POLE3: variants seen among roughly 807,000 people sequenced by gnomAD.
POLE3 encodes the protein DNA polymerase epsilon subunit 3.
POLE3 carries 10 observed loss-of-function variants against 16.1 expected under a neutral mutation model. The ratio of observed to expected loss-of-function variants is 0.62; its 90% confidence interval spans 0.38 to 1.05. The LOEUF (loss-of-function observed/expected upper bound fraction) is 1.05, where lower values mean the gene tolerates loss of function less well. Ranked by LOEUF, POLE3 falls within the 50% of genes least tolerant of loss-of-function variation. The pLI is 0.01. For missense variants in POLE3, 169 were observed against 185.0 expected (o/e 0.91, Z 0.50); for synonymous variants, 83 against 71.0 (o/e 1.17, Z -0.85).
At chr9:113,410,014 C>G in intron 3 of POLE3, 41 bp downstream of exon 3, 1 of 1,500,854 alleles carries the variant, frequency 6.7e-7, no homozygotes, top group Non-Finnish European at 9.0e-7. Context: ...AACTCCCAGC[C>G]AGGTATCCCC....
chr9:113,409,735 G>A lies in POLE3; in HGVS notation c.153-7C>T, dbSNP rs1237283208. The A allele has an allele frequency of 3.2e-6, 5 of 1,551,978 alleles. No homozygotes were observed. Among genetic ancestry groups the A allele is most frequent in the African/African-American group, 2.7e-5 (2 of 73,698 alleles). ...CATTGCAAAGTTGTTAGCACTGAGA[G>A]AAGAGAAAGGCTGTCAGACTCCCTC... On this transcript the variant is annotated splice_polypyrimidine_tract_variant and splice_region_variant and intron_variant, in intron 3 of 4. Coordinates refer to ENST00000374171, the MANE Select transcript of POLE3 (RefSeq NM_017443.5).
At chr9:113,410,495 A>C in intron 1 of POLE3, 87 bp from the exon 2 acceptor site, 3 of 606,786 alleles carry the variant, frequency 4.9e-6, no homozygotes, top group Non-Finnish European at 8.8e-6. Context: ...GCGCATCCGG[A>C]TTTTGAAGCC....
At position 113,410,053 on chromosome 9, in the gene POLE3, A is replaced by G. The variant is rs1400479595; in HGVS notation, c.152+2T>C. 1 of 1,558,682 alleles carries G rather than the reference A, an allele frequency of 6.4e-7. No individual in the cohort carries two copies. Among genetic ancestry groups the G allele is most frequent in the Admixed American group, 1.9e-5 (1 of 51,628 alleles). ...CCTCCCTTATGCCTCTGTCCCGCTCACCAGGATGTGGCGTACAGCACGAAG... is the reference window on the plus strand; with the variant it reads ...CCTCCCTTATGCCTCTGTCCCGCTCGCCAGGATGTGGCGTACAGCACGAAG... On this transcript the variant is annotated splice_donor_variant, in intron 3 of 4. Transcript: ENST00000374171. LOFTEE classifies it high-confidence loss of function.
At chr9:113,410,490 T>G (rs1312957809) in intron 1 of POLE3, 82 bp from the exon 2 acceptor site, 3 of 608,682 alleles carry the variant, frequency 4.9e-6, no homozygotes, top group Non-Finnish European at 8.8e-6. Flanking sequence ...TACCGGCGCA[T>G]CCGGATTTTG....
In POLE3 at chr9:113,409,706, C is replaced by T. The variant is rs770150389; in HGVS notation, c.175G>A (p.Gly59Arg). 13 of 1,612,238 alleles carry T rather than the reference C, an allele frequency of 8.1e-6. No individual in the cohort carries two copies. The highest frequency in any genetic ancestry group is 2.2e-5 in the East Asian group (1 of 44,898). ...TSCANNFAMK[G>R]KRKTLNASDV... ...CTGGCATTCAGCGTCTTCCGCTTTCCTTTCATTGCAAAGTTGTTAGCACTG... is the reference window on the plus strand; with the variant it reads ...CTGGCATTCAGCGTCTTCCGCTTTCTTTTCATTGCAAAGTTGTTAGCACTG... The change falls in exon 4 of 5, where the codon GGA (glycine) becomes AGA (arginine). Residue 59 changes from glycine (G) to arginine (R), a missense_variant. Coordinates refer to ENST00000374171, the MANE Select transcript of POLE3 (RefSeq NM_017443.5).
At chr9:113,409,525 C>G in intron 4 of POLE3, 85 bp downstream of exon 4, 1 of 808,192 alleles carries the variant, frequency 1.2e-6, no homozygotes, top group Non-Finnish European at 2.1e-6. Context: ...TAAAGGGACC[C>G]GCGCTGAGAA....
At position 113,410,137 on chromosome 9, in the gene POLE3, G is replaced by A. The variant is rs1288030834; in HGVS notation, c.70C>T (p.Pro24Ser). ...VITRIIKEAL[P>S]DGVNISKEAR... ...TCCTTGGAGATGTTGACACCGTCCG[G>A]GAGCTGCGAGGAGACCGGGGGTGAG... is the stretch of plus-strand genomic sequence containing the variant. Residue 24 changes from proline to serine, a missense_variant, in exon 3 of 5, where the codon CCG becomes TCG. Physicochemically the swap from Pro to Ser is moderately conservative, Grantham distance 74. Coordinates refer to ENST00000374171, the MANE Select transcript of POLE3 (RefSeq NM_017443.5). 4 of 1,599,586 alleles carry A rather than the reference G, an allele frequency of 2.5e-6. No homozygotes were observed. The African/African-American group carries it at 4.0e-5, about 16-fold the overall frequency.
chr9:113,410,175 T>C, intron 2 of POLE3, 35 bp from the exon 3 acceptor site: 2 of 1,608,456 alleles, frequency 1.2e-6, no homozygotes, highest in South Asian at 1.1e-5. Flanking sequence ...AAGCTGCCGT[T>C]CCAGCACCTG....
At position 113,410,602 on chromosome 9, in the gene POLE3, C is replaced by T. The variant is rs985056363; in HGVS notation, c.-116+15G>A. ...TCTCTGCTTCTCGCCATCGCCGCGT[C>T]GGGAACCTTCTCACCAACTTATTTG... On this transcript the variant is annotated intron_variant, in intron 1 of 4. Coordinates refer to ENST00000374171, the MANE Select transcript of POLE3 (RefSeq NM_017443.5). 1.4e-4 allele frequency: 67 copies of T among 491,434 alleles called. 1 individual carries two copies. In the South Asian group the frequency reaches 1.7e-3, roughly 13 times the overall value. 30.4% of individuals were successfully genotyped at this position (491,434 alleles called of 1,614,324 possible). A position where few individuals can be genotyped will look rare whatever the true frequency, so the allele number is the denominator to read the frequency against.
chr9:113,409,873 CAAA>C (rs1024278075), intron 3 of POLE3, 145 bp from the exon 4 acceptor site: 1 of 762,188 alleles, frequency 1.3e-6, no homozygotes, highest in African/African-American at 1.7e-5. Context: ...CTTCTCTGCA[CAAA>C]AAAGCTAAAG....
chr9:113,410,272 G>T lies in POLE3; in HGVS notation c.22C>A (p.Leu8Ile), dbSNP rs111911243. 1 of 1,613,690 alleles carries T rather than the reference G, an allele frequency of 6.2e-7. No individual in the cohort carries two copies. Among genetic ancestry groups the T allele is most frequent in the Non-Finnish European group, 8.5e-7 (1 of 1,179,960 alleles). Residue 8 changes from leucine (L) to isoleucine (I), a missense_variant, in exon 2 of 5, where the codon CTA (leucine) becomes ATA (isoleucine). Transcript: ENST00000374171. ...GTGATCACGGCATTGGGCAGGTTTAGGTCCTCGGGCCTCTCCGCCATTGCC... is the reference window on the plus strand; with the variant it reads ...GTGATCACGGCATTGGGCAGGTTTATGTCCTCGGGCCTCTCCGCCATTGCC... MAERPED[L>I]NLPNAVITRI...
At position 113,410,424 on chromosome 9, in the gene POLE3, G is replaced by C. The variant is rs535383231; in HGVS notation, c.-115-16C>G. ...CCCACGTGGCCTACAGTGTCCCACAGTGCTCTGAGCGCCATAGCCTCCCTC... is the reference window on the plus strand; with the variant it reads ...CCCACGTGGCCTACAGTGTCCCACACTGCTCTGAGCGCCATAGCCTCCCTC... On this transcript the variant is annotated splice_polypyrimidine_tract_variant and intron_variant, in intron 1 of 4. Coordinates refer to ENST00000374171, the MANE Select transcript of POLE3 (RefSeq NM_017443.5). 1 of 787,896 alleles carries C rather than the reference G, an allele frequency of 1.3e-6. No individual in the cohort carries two copies. The highest frequency in any genetic ancestry group is 1.7e-5 in the African/African-American group (1 of 58,828). The allele number at this position is 787,896 out of a possible 1,614,324, so 48.8% of individuals were successfully genotyped here.
intron 3 of POLE3, 158 bp from the exon 4 acceptor site, chr9:113,409,886 G>A (rs1402228169): frequency 2.2e-5 from 17 of 756,604 alleles, no homozygotes; most frequent in Non-Finnish European, 3.3e-5. Context: ...AAAAGCTAAA[G>A]CAAAGTGATT....
chr9:113,409,664 T>C lies in POLE3; in HGVS notation c.217A>G (p.Met73Val). 6.2e-7 allele frequency: 1 copy of C among 1,613,934 alleles called. No individual in the cohort carries two copies. Among genetic ancestry groups the C allele is most frequent in the Non-Finnish European group, 8.5e-7 (1 of 1,179,816 alleles). Residue 73 changes from methionine (M) to valine (V), a missense_variant, in exon 4 of 5, where the codon ATG becomes GTG. Physicochemically the swap from Met to Val is conservative, Grantham distance 21. Transcript: ENST00000374171. ...TLNASDVLSA[M>V]EEMEFQRFVT... is the part of the protein sequence containing the mutation. The stretch of plus-strand genomic sequence containing the variant: ...AACCGCTGGAACTCCATCTCTTCCA[T>C]GGCTGAGAGCACATCACTGGCATTC...
In POLE3 at chr9:113,410,066, G is replaced by C. The variant is rs148850960; in HGVS notation, c.141C>G (p.Tyr47Ter). The change falls in exon 3 of 5, where the codon TAC becomes TAG. Residue 47 changes from tyrosine to a stop codon, truncating the protein, a stop_gained. Coordinates refer to ENST00000374171, the MANE Select transcript of POLE3 (RefSeq NM_017443.5). LOFTEE classifies it high-confidence loss of function. ...ISRAASVFVL[Y>*]ATSCANNFAM... The stretch of plus-strand genomic sequence containing the variant: ...TCTGTCCCGCTCACCAGGATGTGGC[G>C]TACAGCACGAAGACGCTGGCGGCGC... 3.2e-6 allele frequency: 5 copies of C among 1,568,224 alleles called. No homozygotes were observed. The highest frequency in any genetic ancestry group is 3.5e-6 in the Non-Finnish European group (4 of 1,156,674).
Position 113,407,725 on chromosome 9 carries a change from G to A in POLE3, c.*1086C>T, listed in dbSNP as rs560691308. 3.3e-5 allele frequency: 5 copies of A among 152,182 alleles called. No homozygotes were observed. In the East Asian group the frequency reaches 9.6e-4, roughly 29 times the overall value. 9.4% of individuals were successfully genotyped at this position (152,182 alleles called of 1,614,324 possible). ...AGACTCCATCTCTTAAAAACAAAAC[G>A]TGAGATTAGAACTAAGGAATCAAGA... On this transcript the variant is annotated 3_prime_UTR_variant, in exon 5 of 5. Transcript: ENST00000374171.
In POLE3 at chr9:113,408,630, T is replaced by A. The variant is rs1827986698; in HGVS notation, c.*181A>T. ...ATGAAGCAAAACAGGATTCTGCTAC[T>A]CAGATGCTCTGAGTTTGGTAAGTGC... On this transcript the variant is annotated 3_prime_UTR_variant, in exon 5 of 5. Coordinates refer to ENST00000374171, the MANE Select transcript of POLE3 (RefSeq NM_017443.5). The A allele has an allele frequency of 1.8e-6, 1 of 566,582 alleles. No individual in the cohort carries two copies. The highest frequency in any genetic ancestry group is 1.9e-5 in the African/African-American group (1 of 53,848). The allele number at this position is 566,582 out of a possible 1,614,324, so 35.1% of individuals were successfully genotyped here.
chr9:113,409,606 T>C lies in POLE3; in HGVS notation c.271+4A>G. On this transcript the variant is annotated splice_donor_region_variant and intron_variant, in intron 4 of 4. Coordinates refer to ENST00000374171, the MANE Select transcript of POLE3 (RefSeq NM_017443.5). ...TGTGGTTTAGAAGACAAGAGGCTCGTTACCTTCCAGAGCTTCTTTCAATGG... is the reference window on the plus strand; with the variant it reads ...TGTGGTTTAGAAGACAAGAGGCTCGCTACCTTCCAGAGCTTCTTTCAATGG... 2 of 1,550,066 alleles carry C rather than the reference T, an allele frequency of 1.3e-6. No individual in the cohort carries two copies. Among genetic ancestry groups the C allele is most frequent in the African/African-American group, 2.7e-5 (2 of 73,718 alleles).
rs945172043 is a variant in POLE3 at position 113,407,508 on chromosome 9, G to A, written c.*1303C>T. The A allele has an allele frequency of 1.4e-4, 21 of 152,494 alleles. No homozygotes were observed. The highest frequency in any genetic ancestry group is 3.9e-4 in the African/African-American group (16 of 41,386). 9.4% of individuals were successfully genotyped at this position (152,494 alleles called of 1,614,324 possible). A position where few individuals can be genotyped will look rare whatever the true frequency, so the allele number is the denominator to read the frequency against. On this transcript the variant is annotated 3_prime_UTR_variant, in exon 5 of 5. Coordinates refer to ENST00000374171, the MANE Select transcript of POLE3 (RefSeq NM_017443.5). Reference sequence around the variant, plus strand: ...CTGAGCACCATCAGATTTCCCTTAAGGTTTTTTGTGAAGGGGCTTCACAAA... The same window carrying A: ...CTGAGCACCATCAGATTTCCCTTAAAGTTTTTTGTGAAGGGGCTTCACAAA...
Sources: allele counts gnomAD v4.1 joint callset, GRCh38; gene constraint gnomAD v4.1.1; transcripts MANE v1.5; gene names NCBI Gene and HGNC (gene_info 2026-07-23, HGNC 2026-07-21).